Variants in FRMD4B observed in about 807,000 individuals in gnomAD.
FRMD4B encodes the protein FERM domain-containing protein 4B.
In FRMD4B, 74 loss-of-function variants were observed where a neutral mutation model predicts 141.5. That is an observed-to-expected ratio of 0.52 (90% CI 0.43 to 0.63). FRMD4B has a LOEUF of 0.63. FRMD4B is among the 30% of genes least tolerant of loss of function. The pLI is 0.00. For synonymous variants in FRMD4B, 506 were observed against 467.9 expected, an observed-to-expected ratio of 1.08 and a Z score of -1.05; for missense variants, 1,366 against 1,253.4, an observed-to-expected ratio of 1.09 and a Z score of -1.36.
intron 2 of FRMD4B, among the ~76,000 whole-genome samples, chr3:69,417,306 C>T (rs148294094): frequency 0.012 from 1,888 of 152,202 alleles, 47 homozygotes; most frequent in African/African-American, 0.043. Flanking sequence ...TGACCAGTGA[C>T]GATGAGCTTT....
chr3:69,327,550 G>C (rs563242452), intron 1 of FRMD4B, among the ~76,000 whole-genome samples: 1 of 152,092 alleles, frequency 6.6e-6, no homozygotes. Flanking sequence ...TCAATTTTTC[G>C]TCAACCCTGT....
chr3:69,223,502 G>C (rs761507944), intron 8 of FRMD4B, among the ~76,000 whole-genome samples: 2 of 151,998 alleles, frequency 1.3e-5, no homozygotes, highest in Non-Finnish European at 2.9e-5. Flanking sequence ...GTGACAGGGG[G>C]AGACTCCGTC....
At chr3:69,512,668 G>A (rs1226507367) in intron 1 of FRMD4B, among the ~76,000 whole-genome samples, 1 of 152,136 alleles carries the variant, frequency 6.6e-6, no homozygotes, top group Non-Finnish European at 1.5e-5. Context: ...AAGGGAGAAA[G>A]AGGATCCTAC....
At chr3:69,387,543 T>G (rs1704289194), upstream of FRMD4B, among the ~76,000 whole-genome samples, 1 of 152,212 alleles carries the variant, frequency 6.6e-6, no homozygotes. Context: ...GTTTCACATC[T>G]GGGTTGTTAT....
intron 5 of FRMD4B, among the ~76,000 whole-genome samples, chr3:69,286,021 G>A (rs753974899): frequency 6.6e-6 from 1 of 152,174 alleles, no homozygotes. Flanking sequence ...AGTACGGAGA[G>A]AGAAAAACTG....
intron 1 of FRMD4B, chr3:69,472,419 G>T: frequency 2.1e-6 from 1 of 470,988 alleles, no homozygotes. Flanking sequence ...CACTAATATG[G>T]CCAATAATTA....
rs1302277828 is a variant in FRMD4B, at chr3:69,386,061, G to T, written c.-72C>A. On this transcript the variant is annotated 5_prime_UTR_variant, in exon 1 of 23. Transcript: ENST00000398540. ...CAGCCCCGACCCCAGCGGCCTGCCCGCCTGGGCTCCCGACGCCGGCTTCTG... is the reference window on the plus strand; with the variant it reads ...CAGCCCCGACCCCAGCGGCCTGCCCTCCTGGGCTCCCGACGCCGGCTTCTG... 8.4e-6 allele frequency: 11 copies of T among 1,304,610 alleles called. No homozygotes were observed. The highest frequency in any genetic ancestry group is 3.1e-5 in the African/African-American group (2 of 65,294). 80.8% of individuals were successfully genotyped at this position (1,304,610 alleles called of 1,614,324 possible).
At chr3:69,386,690 C>G (rs1049980819), upstream of FRMD4B, among the ~76,000 whole-genome samples, 1 of 152,204 alleles carries the variant, frequency 6.6e-6, no homozygotes, top group Non-Finnish European at 1.5e-5. Context: ...AAGCAACAGG[C>G]GGCCCTAGAA....
intron 3 of FRMD4B, chr3:69,306,705 T>G (rs1377840010): frequency 6.6e-6 from 1 of 152,248 alleles, no homozygotes; most frequent in Admixed American, 6.5e-5. Flanking sequence ...CATCTATTTT[T>G]CCGTTTCTCC....
chr3:69,366,368 T>C (rs758484903), intron 1 of FRMD4B, among the ~76,000 whole-genome samples: 2 of 152,202 alleles, frequency 1.3e-5, no homozygotes, highest in Non-Finnish European at 2.9e-5. Flanking sequence ...TTCATACCAT[T>C]GAATATACAA....
intron 6 of FRMD4B, 60 bp downstream of exon 6, chr3:69,249,983 C>A: frequency 9.4e-7 from 1 of 1,067,214 alleles, no homozygotes; most frequent in Non-Finnish European, 1.5e-6. Flanking sequence ...GAGTTGCAGG[C>A]AGTTAACAAA....
At chr3:69,434,712 G>A (rs1233523419) in intron 1 of FRMD4B, among the ~76,000 whole-genome samples, 1 of 152,112 alleles carries the variant, frequency 6.6e-6, no homozygotes, top group Non-Finnish European at 1.5e-5. Context: ...ATAAAATTTG[G>A]TACAAGATAC....
chr3:69,440,422 C>T (rs771331292), intron 1 of FRMD4B, among the ~76,000 whole-genome samples: 5 of 152,204 alleles, frequency 3.3e-5, no homozygotes, highest in African/African-American at 4.8e-5. Flanking sequence ...TTCAATTACC[C>T]TTCACCAGTA....
At chr3:69,250,013 G>C (rs768346710) in intron 6 of FRMD4B, 30 bp downstream of exon 6, 3 of 1,456,994 alleles carry the variant, frequency 2.1e-6, no homozygotes, top group Non-Finnish European at 1.9e-6. Flanking sequence ...ACACAAGGGA[G>C]CTGCTAAGAG....
chr3:69,477,414 G>A (rs1331490445), intron 1 of FRMD4B, among the ~76,000 whole-genome samples: 1 of 150,138 alleles, frequency 6.7e-6, no homozygotes, highest in Non-Finnish European at 1.5e-5. Context: ...TTAGCATGAA[G>A]GGTTGTTGAA....
intron 11 of FRMD4B, among the ~76,000 whole-genome samples, chr3:69,213,151 G>A (rs2093103178): frequency 6.6e-6 from 1 of 152,070 alleles, no homozygotes. Flanking sequence ...AATATGGCAA[G>A]GTATGAAACA....
intron 1 of FRMD4B, among the ~76,000 whole-genome samples, chr3:69,446,330 A>C (rs764006788): frequency 4.1e-5 from 6 of 147,600 alleles, no homozygotes; most frequent in Non-Finnish European, 8.9e-5. Context: ...CTAGCCTACA[A>C]ATTTTTTTAT....
Position 69,171,657 on chromosome 3 carries a change from A to G in FRMD4B, c.*204T>C. 1.9e-6 allele frequency: 1 copy of G among 538,548 alleles called. No individual in the cohort carries two copies. The highest frequency in any genetic ancestry group is 3.3e-6 in the Non-Finnish European group (1 of 300,964). 33.4% of individuals were successfully genotyped at this position (538,548 alleles called of 1,614,324 possible). On this transcript the variant is annotated 3_prime_UTR_variant, in exon 23 of 23. Transcript: ENST00000398540. ...ACCCTACAGTTACGTTAGTGCCTAG[A>G]GTTTGAAAGGCCAAATCCTCCTTTA...
intron 2 of FRMD4B, among the ~76,000 whole-genome samples, chr3:69,313,142 C>T (rs1701659215): frequency 6.6e-6 from 1 of 152,138 alleles, no homozygotes; most frequent in Non-Finnish European, 1.5e-5. Flanking sequence ...GCAAGAGACT[C>T]AGAGAAGTAA....
Sources: allele counts gnomAD v4.1 joint callset (sites outside exome capture counted in the v4.1 genomes callset), GRCh38; gene constraint gnomAD v4.1.1; transcripts MANE v1.5; gene names NCBI Gene and HGNC (gene_info 2026-07-23, HGNC 2026-07-21).